Variants in UPB1 observed in about 807,000 individuals in gnomAD.
The protein encoded by UPB1 is beta-ureidopropionase.
UPB1 carries 40 observed loss-of-function variants against 49.1 expected under a neutral mutation model. The observed-to-expected ratio is 0.81, with a 90% CI of 0.63 to 1.06. The LOEUF is 1.06. UPB1 is among the 50% of genes least tolerant of loss of function. The probability of loss-of-function intolerance (pLI) is 0.00; values close to 1 mark genes in which losing one functional copy is unlikely to be tolerated. For synonymous variants in UPB1, 207 were observed against 198.2 expected (o/e 1.04, Z -0.38); for missense variants, 499 against 505.9 (o/e 0.99, Z 0.13).
chr22:24,507,186 C>A (rs749498723), intron 3 of UPB1, among the ~76,000 whole-genome samples: 3 of 152,212 alleles, frequency 2.0e-5, no homozygotes, highest in Non-Finnish European at 4.4e-5. Flanking sequence ...TTGACTCACT[C>A]CTAATGCTCT....
intron 3 of UPB1, chr22:24,503,262 G>C (rs2044027355): frequency 6.6e-6 from 1 of 152,158 alleles, no homozygotes; most frequent in African/African-American, 2.4e-5. Context: ...CTCCTCCAAG[G>C]AATCTGCCCC....
chr22:24,496,814 A>G (rs113444042), intron 1 of UPB1, among the ~76,000 whole-genome samples: 3 of 143,686 alleles, frequency 2.1e-5, no homozygotes, highest in Admixed American at 1.4e-4. Context: ...GCAGGACAGG[A>G]AAGAAGCATC....
intron 6 of UPB1, among the ~76,000 whole-genome samples, chr22:24,519,319 A>G (rs962023148): frequency 6.6e-6 from 1 of 152,132 alleles, no homozygotes; most frequent in African/African-American, 2.4e-5. Context: ...GCTGACACGA[A>G]GGAAGATTCC....
At chr22:24,516,651 T>A (rs2044299384) in intron 6 of UPB1, 1 of 151,980 alleles carries the variant, frequency 6.6e-6, no homozygotes, top group East Asian at 1.9e-4. Context: ...CTGGTGGGTG[T>A]GCAGCTTTAG....
intron 6 of UPB1, among the ~76,000 whole-genome samples, chr22:24,517,749 G>A (rs1450933036): frequency 2.6e-5 from 4 of 152,216 alleles, no homozygotes; most frequent in African/African-American, 7.2e-5. Context: ...GGTGTGGTGA[G>A]GCTGGCAGTA....
rs2043851956 is a variant in UPB1, at chr22:24,495,483, G to T, written c.80G>T (p.Arg27Leu). 9.9e-6 allele frequency: 16 copies of T among 1,613,962 alleles called. No homozygotes were observed. The highest frequency in any genetic ancestry group is 1.4e-5 in the Non-Finnish European group (16 of 1,180,042). ...LPLPDLQEVKRVLYGKELRKL... is the reference protein window; with the variant it reads ...LPLPDLQEVKLVLYGKELRKL... ...CTCCCCGACTTGCAGGAAGTGAAGCGCGTTCTCTATGGCAAGGAACTCAGG... is the reference window on the plus strand; with the variant it reads ...CTCCCCGACTTGCAGGAAGTGAAGCTCGTTCTCTATGGCAAGGAACTCAGG... The change falls in exon 1 of 10, where the codon CGC (arginine) becomes CTC (leucine). Residue 27 changes from arginine (R) to leucine (L), a missense_variant. Transcript: ENST00000326010.
At chr22:24,525,011 G>A (rs1395099822) in intron 9 of UPB1, among the ~76,000 whole-genome samples, 1 of 152,060 alleles carries the variant, frequency 6.6e-6, no homozygotes, top group Non-Finnish European at 1.5e-5. Context: ...CCTCTTCCTG[G>A]GCAACTAGGA....
chr22:24,525,889 A>G lies in UPB1; in HGVS notation c.*95A>G. The G allele has an allele frequency of 6.7e-7, 1 of 1,501,768 alleles. No homozygotes were observed. The highest frequency in any genetic ancestry group is 9.3e-7 in the Non-Finnish European group (1 of 1,080,806). The allele number at this position is 1,501,768 out of a possible 1,614,324, so 93.0% of individuals were successfully genotyped here. A position where few individuals can be genotyped will look rare whatever the true frequency, so the allele number is the denominator to read the frequency against. ...TTAACATGTCCAGGTTCTCCCCAAT[A>G]ACATTGTCCAGGTTGGTTTTAAAAT... On this transcript the variant is annotated 3_prime_UTR_variant, in exon 10 of 10. Coordinates refer to ENST00000326010, the MANE Select transcript of UPB1 (RefSeq NM_016327.3).
intron 3 of UPB1, among the ~76,000 whole-genome samples, chr22:24,504,230 GT>G (rs1466858010): frequency 1.3e-5 from 2 of 152,334 alleles, no homozygotes; most frequent in South Asian, 4.1e-4. Context: ...AGAACAAGTA[GT>G]TCCCTGAGGA....
chr22:24,515,163 A>C (rs1248259106), intron 5 of UPB1, 38 bp from the exon 6 acceptor site: 1 of 1,613,382 alleles, frequency 6.2e-7, no homozygotes, highest in African/African-American at 1.3e-5. Context: ...GAAATCTTGA[A>C]GGTCAGAGGC....
intron 3 of UPB1, chr22:24,503,799 G>A (rs1443939865): frequency 6.6e-6 from 1 of 152,248 alleles, no homozygotes; most frequent in African/African-American, 2.4e-5. Flanking sequence ...CTGCCCTCCT[G>A]ACTCATGGCA....
chr22:24,495,358 G>A lies in UPB1; in HGVS notation c.-46G>A, dbSNP rs1487373058. 6.2e-7 allele frequency: 1 copy of A among 1,601,584 alleles called. No individual in the cohort carries two copies. The highest frequency in any genetic ancestry group is 2.2e-5 in the East Asian group (1 of 44,852). ...GGCACCTCCTCCCACTGCGGGCAAA[G>A]GGCAGGCAGTTCGTGCGCGGACACA... On this transcript the variant is annotated 5_prime_UTR_variant, in exon 1 of 10. Coordinates refer to ENST00000326010, the MANE Select transcript of UPB1 (RefSeq NM_016327.3).
chr22:24,496,354 G>T (rs2043876662), intron 1 of UPB1, among the ~76,000 whole-genome samples: 1 of 150,230 alleles, frequency 6.7e-6, no homozygotes, highest in African/African-American at 2.5e-5. Context: ...CTGGGAGTCA[G>T]AGTGAGGCCC....
At chr22:24,501,274 C>T (rs1315495837) in intron 2 of UPB1, among the ~76,000 whole-genome samples, 1 of 151,892 alleles carries the variant, frequency 6.6e-6, no homozygotes, top group Non-Finnish European at 1.5e-5. Flanking sequence ...AGACTATAGG[C>T]CTTGTGGAGA....
chr22:24,495,678 T>TG (rs146894515), intron 1 of UPB1, among the ~76,000 whole-genome samples, 171 bp downstream of exon 1: 229 of 152,004 alleles, frequency 1.5e-3, no homozygotes, highest in Non-Finnish European at 2.4e-3. Context: ...CCGGGGTCCT[T>TG]GGGGGTTGCA....
Position 24,495,375 on chromosome 22 carries a change from G to A in UPB1, c.-29G>A, listed in dbSNP as rs1055672770. On this transcript the variant is annotated 5_prime_UTR_variant, in exon 1 of 10. Coordinates refer to ENST00000326010, the MANE Select transcript of UPB1 (RefSeq NM_016327.3). ...CGGGCAAAGGGCAGGCAGTTCGTGC[G>A]CGGACACAAGCACTGGCGGACCGTG... is the stretch of plus-strand genomic sequence containing the variant. 6.2e-7 allele frequency: 1 copy of A among 1,610,380 alleles called. No individual in the cohort carries two copies. Among genetic ancestry groups the A allele is most frequent in the Non-Finnish European group, 8.5e-7 (1 of 1,179,272 alleles).
At chr22:24,506,270 C>T (rs1206368841) in intron 3 of UPB1, among the ~76,000 whole-genome samples, 2 of 152,188 alleles carry the variant, frequency 1.3e-5, no homozygotes, top group Non-Finnish European at 2.9e-5. Flanking sequence ...ATCCGCCCAC[C>T]TCGGCCTCCC....
chr22:24,499,448 T>C (rs5760457), intron 1 of UPB1, among the ~76,000 whole-genome samples: 5,603 of 152,252 alleles, frequency 0.037, 186 homozygotes, highest in South Asian at 0.11. Context: ...TGGAAGGTTT[T>C]ATAACTAATT....
chr22:24,521,255 G>A (rs1249068876), intron 7 of UPB1, among the ~76,000 whole-genome samples: 1 of 151,598 alleles, frequency 6.6e-6, no homozygotes, highest in Admixed American at 6.6e-5. Context: ...ACCGAGTCGG[G>A]TAGATCACCT....
Sources: allele counts gnomAD v4.1 joint callset (sites outside exome capture counted in the v4.1 genomes callset), GRCh38; gene constraint gnomAD v4.1.1; transcripts MANE v1.5; gene names NCBI Gene and HGNC (gene_info 2026-07-23, HGNC 2026-07-21).